The following TRIM24 variants were observed in gnomAD, a reference collection of about 807,000 sequenced individuals.
The protein encoded by TRIM24 is transcription intermediary factor 1-alpha.
TRIM24 carries 29 observed loss-of-function variants against 123.9 expected under a neutral mutation model. The observed-to-expected ratio is 0.23, with a 90% confidence interval of 0.17 to 0.32. The LOEUF is 0.32. Ranked by LOEUF, TRIM24 falls within the 10% of genes least tolerant of loss-of-function variation. The pLI is 1.00. For synonymous variants in TRIM24, 456 were observed against 461.1 expected (o/e 0.99, Z 0.14); for missense variants, 932 against 1,295.3 (o/e 0.72, Z 4.31).
intron 5 of TRIM24, among the ~76,000 whole-genome samples, chr7:138,526,171 T>C (rs1458968433): frequency 1.3e-5 from 2 of 152,236 alleles, no homozygotes; most frequent in Admixed American, 1.3e-4. Flanking sequence ...TGTTTTTCTA[T>C]GTATAAATTG....
intron 5 of TRIM24, among the ~76,000 whole-genome samples, chr7:138,528,781 C>A: frequency 2.7e-5 from 1 of 37,722 alleles, no homozygotes; most frequent in Non-Finnish European, 4.3e-5. Flanking sequence ...TGGTCCACCC[C>A]CACCCCCCCC....
chr7:138,543,654 T>C (rs1283675053), intron 7 of TRIM24, among the ~76,000 whole-genome samples: 1 of 152,220 alleles, frequency 6.6e-6, no homozygotes, highest in Non-Finnish European at 1.5e-5. Flanking sequence ...GTGTACAACA[T>C]GATATTCTGA....
Position 138,504,447 on chromosome 7 carries a change from CTTTTTTTT to C in TRIM24, c.483+58_483+65del, listed in dbSNP as rs750956455. On this transcript the variant is annotated intron_variant, in intron 2 of 18. Transcript: ENST00000343526. ...ATCTTGAACCTTTTGCCTGCCAGCT[CTTTTTTTT>C]TTTTTTTTTTTTTTTTTTGAGACAG... is the stretch of plus-strand genomic sequence containing the variant. The C allele has an allele frequency of 3.6e-4, 56 of 155,198 alleles. 1 individual carries two copies. Among genetic ancestry groups the C allele is most frequent in the African/African-American group, 1.4e-3 (29 of 20,108 alleles). 9.6% of individuals were successfully genotyped at this position (155,198 alleles called of 1,614,324 possible). A position where few individuals can be genotyped will look rare whatever the true frequency, so the allele number is the denominator to read the frequency against.
intron 6 of TRIM24, among the ~76,000 whole-genome samples, chr7:138,531,140 T>TATA (rs914184435): frequency 6.6e-6 from 1 of 150,782 alleles, no homozygotes; most frequent in Non-Finnish European, 1.5e-5. Flanking sequence ...TTATTATTAT[T>TATA]ATACTTTAAG....
intron 3 of TRIM24, among the ~76,000 whole-genome samples, chr7:138,517,386 T>TG (rs1318186765): frequency 3.9e-5 from 6 of 152,102 alleles, no homozygotes; most frequent in African/African-American, 1.4e-4. Context: ...TGTTTTGTTT[T>TG]TTTAGACAGA....
chr7:138,572,134 G>C (rs948161561), intron 11 of TRIM24, among the ~76,000 whole-genome samples: 1 of 152,008 alleles, frequency 6.6e-6, no homozygotes, highest in African/African-American at 2.4e-5. Context: ...TTTCCTAATA[G>C]TTGCATTGTT....
At position 138,535,621 on chromosome 7, in the gene TRIM24, C is replaced by T. The variant is rs373763723; in HGVS notation, c.997-3036C>T. ...GATGGGCTTCCCTTTGTGGGTAAAC[C>T]GATCTTTCTCTCTGGCTGCCCTTAA... On this transcript the variant is annotated intron_variant, in intron 6 of 18. Transcript: ENST00000343526. Among the ~76,000 whole-genome samples, 13 of 152,218 alleles carry T rather than the reference C, an allele frequency of 8.5e-5. No homozygotes were observed. The South Asian group carries it at 2.7e-3, about 32-fold the overall frequency.
At position 138,525,344 on chromosome 7, in the gene TRIM24, C is replaced by G. The variant is rs1174070602; in HGVS notation, c.868C>G (p.Gln290Glu). 3 of 1,508,702 alleles carry G rather than the reference C, an allele frequency of 2.0e-6. No individual in the cohort carries two copies. The highest frequency in any genetic ancestry group is 1.4e-5 in the African/African-American group (1 of 69,810). 93.5% of individuals were successfully genotyped at this position (1,508,702 alleles called of 1,614,324 possible). A position where few individuals can be genotyped will look rare whatever the true frequency, so the allele number is the denominator to read the frequency against. The change falls in exon 5 of 19, where the codon CAG (glutamine) becomes GAG (glutamate). Residue 290 changes from glutamine to glutamate, a missense_variant. Transcript: ENST00000343526. ...KTKYIKFTGN[Q>E]IQNRIIEVNQ... ...AAAATACATAAAATTCACAGGAAATCAGATCCAAAACAGGTAATTTTATGG... is the reference window on the plus strand; with the variant it reads ...AAAATACATAAAATTCACAGGAAATGAGATCCAAAACAGGTAATTTTATGG...
intron 1 of TRIM24, among the ~76,000 whole-genome samples, chr7:138,462,367 G>C (rs923030870): frequency 4.1e-5 from 6 of 145,118 alleles, no homozygotes; most frequent in Non-Finnish European, 9.0e-5. Context: ...TTGAGACGGA[G>C]TCTCGCTCTG....
chr7:138,468,272 T>G (rs909707823), intron 1 of TRIM24, among the ~76,000 whole-genome samples: 1 of 152,174 alleles, frequency 6.6e-6, no homozygotes, highest in Non-Finnish European at 1.5e-5. Context: ...ATTTGTCTCC[T>G]TTTTTTGTTA....
chr7:138,485,064 C>A (rs1036182067), intron 1 of TRIM24, among the ~76,000 whole-genome samples: 3 of 151,868 alleles, frequency 2.0e-5, no homozygotes, highest in Non-Finnish European at 4.4e-5. Flanking sequence ...TATAGGCCTT[C>A]CCTATTTCTT....
At chr7:138,540,494 A>G (rs1391201650) in intron 7 of TRIM24, among the ~76,000 whole-genome samples, 1 of 152,224 alleles carries the variant, frequency 6.6e-6, no homozygotes, top group Non-Finnish European at 1.5e-5. Flanking sequence ...GTGCTCATCC[A>G]TAAGAAGCAA....
At chr7:138,525,148 A>G in intron 4 of TRIM24, 93 bp from the exon 5 acceptor site, 1 of 573,942 alleles carries the variant, frequency 1.7e-6, no homozygotes. Flanking sequence ...TAAATTCTTT[A>G]TAATCCTATT....
intron 17 of TRIM24, among the ~76,000 whole-genome samples, chr7:138,583,575 G>A (rs1584752279): frequency 6.6e-6 from 1 of 152,318 alleles, no homozygotes; most frequent in South Asian, 2.1e-4. Context: ...AGCCGAGATT[G>A]TGTCACTGCA....
intron 1 of TRIM24, among the ~76,000 whole-genome samples, chr7:138,473,368 A>G (rs537405767): frequency 6.6e-5 from 10 of 152,222 alleles, no homozygotes; most frequent in Non-Finnish European, 1.0e-4. Context: ...AGACTGATGC[A>G]TCATTTTGGG....
chr7:138,575,941 C>T (rs757511932), intron 12 of TRIM24, among the ~76,000 whole-genome samples: 7 of 152,238 alleles, frequency 4.6e-5, no homozygotes, highest in Non-Finnish European at 1.0e-4. Flanking sequence ...TACCACCTTT[C>T]GTTGTCTTCT....
At chr7:138,511,665 C>T (rs2116547619) in intron 2 of TRIM24, among the ~76,000 whole-genome samples, 1 of 152,244 alleles carries the variant, frequency 6.6e-6, no homozygotes, top group Non-Finnish European at 1.5e-5. Flanking sequence ...AGGATATCCA[C>T]CCCCATGATC....
chr7:138,537,826 T>C (rs113974250), intron 6 of TRIM24, among the ~76,000 whole-genome samples: 84 of 152,334 alleles, frequency 5.5e-4, no homozygotes, highest in Middle Eastern at 3.4e-3. Flanking sequence ...GTTCGCTTTT[T>C]ATTGAGAATG....
chr7:138,483,203 T>G (rs1795568543), intron 1 of TRIM24, among the ~76,000 whole-genome samples: 1 of 151,866 alleles, frequency 6.6e-6, no homozygotes, highest in Non-Finnish European at 1.5e-5. Context: ...CCCAAAGTGC[T>G]GGGATCCTAG....
Sources: gnomAD v4.1 joint callset for allele counts (sites outside exome capture counted in the v4.1 genomes callset) on GRCh38, gnomAD v4.1.1 for gene constraint, MANE v1.5 for transcripts, NCBI Gene and HGNC (gene_info 2026-07-23, HGNC 2026-07-21) for gene names.